Variants in EVA1C observed in about 807,000 individuals in gnomAD.
EVA1C encodes eva-1 homolog C.
In EVA1C, 25 loss-of-function variants were observed where a neutral mutation model predicts 45.4. The observed-to-expected ratio is 0.55, with a 90% CI of 0.40 to 0.77. EVA1C has a LOEUF of 0.77. Among genes scored for constraint, EVA1C ranks in the 30% least tolerant of loss-of-function variants. EVA1C has a pLI of 0.00. For synonymous variants in EVA1C, 190 were observed against 221.2 expected (o/e 0.86, Z 1.25); for missense variants, 479 against 554.8 (o/e 0.86, Z 1.37).
chr21:32,500,310 C>T (rs1039058739), intron 5 of EVA1C, among the ~76,000 whole-genome samples: 3 of 149,832 alleles, frequency 2.0e-5, no homozygotes, highest in African/African-American at 7.4e-5. Context: ...TGAGCACATC[C>T]GGCTAATTTT....
At chr21:32,451,177 G>T (rs905408730) in intron 1 of EVA1C, among the ~76,000 whole-genome samples, 2 of 152,096 alleles carry the variant, frequency 1.3e-5, no homozygotes, top group African/African-American at 4.8e-5. Context: ...GTTTCTGAGA[G>T]GATTTTGAAA....
chr21:32,427,738 C>T (rs929451964), intron 1 of EVA1C, among the ~76,000 whole-genome samples: 3 of 151,642 alleles, frequency 2.0e-5, no homozygotes, highest in South Asian at 2.1e-4. Flanking sequence ...TAGGCAGAGG[C>T]CAGGCACAGT....
intron 7 of EVA1C, among the ~76,000 whole-genome samples, chr21:32,505,241 C>G (rs1281492639): frequency 1.3e-5 from 2 of 152,136 alleles, no homozygotes; most frequent in African/African-American, 4.8e-5. Context: ...CTATTGTCCT[C>G]CTGCGTCAGG....
intron 4 of EVA1C, among the ~76,000 whole-genome samples, chr21:32,475,458 TCTTA>T (rs1330114850): frequency 1.3e-5 from 2 of 150,812 alleles, no homozygotes; most frequent in South Asian, 2.1e-4. Context: ...GCTAAAAAGT[TCTTA>T]CTTTTTTTTT....
chr21:32,478,366 G>A (rs938118327), intron 4 of EVA1C, among the ~76,000 whole-genome samples: 3 of 151,888 alleles, frequency 2.0e-5, no homozygotes, highest in African/African-American at 4.8e-5. Context: ...CTACAGGCAC[G>A]CACCACCAAG....
Position 32,515,240 on chromosome 21 carries a change from C to G in EVA1C, c.*50C>G. On this transcript the variant is annotated 3_prime_UTR_variant, in exon 8 of 8. Transcript: ENST00000300255. The stretch of plus-strand genomic sequence containing the variant: ...CGCACTTTCTGAAGAAGGAAGGATC[C>G]CAAATGCCCCTCCAGTTCTGGTTCA... 4.6e-6 allele frequency: 7 copies of G among 1,520,418 alleles called. No homozygotes were observed. The highest frequency in any genetic ancestry group is 1.8e-4 in the Middle Eastern group (1 of 5,600). The allele number at this position is 1,520,418 out of a possible 1,614,324, so 94.2% of individuals were successfully genotyped here.
intron 1 of EVA1C, among the ~76,000 whole-genome samples, chr21:32,451,070 G>A (rs563673163): frequency 2.6e-5 from 4 of 152,328 alleles, no homozygotes; most frequent in East Asian, 1.9e-4. Flanking sequence ...GCTGGTGGGC[G>A]TGAGGACCCC....
chr21:32,489,642 G>A (rs756032996), intron 4 of EVA1C, among the ~76,000 whole-genome samples: 48 of 152,252 alleles, frequency 3.2e-4, no homozygotes, highest in South Asian at 1.2e-3. Flanking sequence ...GGAAAATGTC[G>A]TTGGAATTTT....
At chr21:32,513,818 A>ACAC (rs1414970398) in intron 7 of EVA1C, among the ~76,000 whole-genome samples, 6 of 151,928 alleles carry the variant, frequency 3.9e-5, no homozygotes, top group African/African-American at 7.3e-5. Flanking sequence ...TGGGATTACC[A>ACAC]GCGTGAGCCA....
At chr21:32,418,886 T>C (rs1359782607) in intron 1 of EVA1C, among the ~76,000 whole-genome samples, 1 of 152,158 alleles carries the variant, frequency 6.6e-6, no homozygotes, top group African/African-American at 2.4e-5. Context: ...TCACAGTCCT[T>C]CCAAAGTGGG....
intron 4 of EVA1C, chr21:32,473,838 A>C: frequency 1.2e-6 from 1 of 842,620 alleles, no homozygotes; most frequent in Non-Finnish European, 1.4e-6. Flanking sequence ...CGGTGAGGTC[A>C]GAGCTGAACC....
intron 1 of EVA1C, among the ~76,000 whole-genome samples, chr21:32,416,445 C>A (rs2034053369): frequency 6.6e-6 from 1 of 151,438 alleles, no homozygotes; most frequent in Non-Finnish European, 1.5e-5. Flanking sequence ...TCTCCTGCCT[C>A]AGCCTCCTGA....
intron 1 of EVA1C, among the ~76,000 whole-genome samples, chr21:32,419,894 A>G (rs1015709806): frequency 6.6e-6 from 1 of 152,212 alleles, no homozygotes; most frequent in Non-Finnish European, 1.5e-5. Flanking sequence ...CTGTAAGGAA[A>G]TGGTTTCTCA....
intron 7 of EVA1C, 86 bp downstream of exon 7, chr21:32,504,101 A>C: frequency 1.1e-6 from 1 of 905,854 alleles, no homozygotes; most frequent in South Asian, 1.5e-5. Context: ...TATAGCACTC[A>C]GATAACTAAA....
At chr21:32,475,159 A>G (rs564878822) in intron 4 of EVA1C, among the ~76,000 whole-genome samples, 8 of 152,264 alleles carry the variant, frequency 5.3e-5, no homozygotes, top group African/African-American at 1.9e-4. Flanking sequence ...CCTCTTGCCT[A>G]TAAGTTAAAG....
chr21:32,456,144 G>A (rs1004527455), intron 2 of EVA1C, among the ~76,000 whole-genome samples: 5 of 152,090 alleles, frequency 3.3e-5, no homozygotes, highest in Admixed American at 1.3e-4. Context: ...TGCCCGCTTC[G>A]GCCCCCCAAA....
At chr21:32,501,985 T>TTTCTTTCC in intron 6 of EVA1C, among the ~76,000 whole-genome samples, 1 of 1,350 alleles carries the variant, frequency 7.4e-4, no homozygotes, top group Non-Finnish European at 2.3e-3. Context: ...CTCTCGCTCT[T>TTTCTTTCC]TTCTTTCTTT....
chr21:32,427,872 A>G (rs1411687190), intron 1 of EVA1C, among the ~76,000 whole-genome samples: 10 of 151,858 alleles, frequency 6.6e-5, no homozygotes, highest in Non-Finnish European at 1.5e-5. Flanking sequence ...AAAAAAAAAA[A>G]AAAAAGAAAG....
chr21:32,471,324 CTTTT>C (rs796205289), intron 4 of EVA1C, among the ~76,000 whole-genome samples: 4 of 117,550 alleles, frequency 3.4e-5, no homozygotes, highest in Non-Finnish European at 6.8e-5. Flanking sequence ...TCCTTTTTTT[CTTTT>C]TTCTTTTTTT....
Sources: gnomAD v4.1 joint callset for allele counts (sites outside exome capture counted in the v4.1 genomes callset) on GRCh38, gnomAD v4.1.1 for gene constraint, MANE v1.5 for transcripts, NCBI Gene and HGNC (gene_info 2026-07-23, HGNC 2026-07-21) for gene names.